The following FTO variants were observed in gnomAD, a reference collection of about 807,000 sequenced individuals.
FTO encodes alpha-ketoglutarate-dependent dioxygenase FTO.
Under a neutral mutation model 63.9 loss-of-function variants are expected in FTO, and 47 were observed. The observed-to-expected ratio is 0.74, with a 90% CI of 0.58 to 0.94. The LOEUF (loss-of-function observed/expected upper bound fraction) is 0.94. FTO is among the 40% of genes least tolerant of loss of function. The probability of loss-of-function intolerance (pLI) is 0.00; values close to 1 mark genes in which losing one functional copy is unlikely to be tolerated. For synonymous variants in FTO, 207 were observed against 224.4 expected (o/e 0.92, Z 0.69); for missense variants, 562 against 618.1 (o/e 0.91, Z 0.96).
At chr16:53,718,733 CTT>C (rs1449640990) in intron 1 of FTO, among the ~76,000 whole-genome samples, 2 of 152,030 alleles carry the variant, frequency 1.3e-5, no homozygotes, top group Non-Finnish European at 2.9e-5. Flanking sequence ...ATGGTAGTAT[CTT>C]TACTTCTACT....
chr16:53,822,781 C>T (rs529155449), intron 2 of FTO, among the ~76,000 whole-genome samples: 20 of 152,264 alleles, frequency 1.3e-4, no homozygotes, highest in African/African-American at 4.8e-4. Flanking sequence ...TTCTACCTCT[C>T]CCCTGTGCCC....
At chr16:53,808,889 CTGCTGTTTT>C (rs2078439853) in intron 1 of FTO, among the ~76,000 whole-genome samples, 1 of 152,160 alleles carries the variant, frequency 6.6e-6, no homozygotes, top group Non-Finnish European at 1.5e-5. Flanking sequence ...CCAGTTGTTT[CTGCTGTTTT>C]TGCTTTCTTT....
intron 7 of FTO, among the ~76,000 whole-genome samples, chr16:53,921,750 G>A (rs1235820174): frequency 1.3e-5 from 2 of 152,132 alleles, no homozygotes; most frequent in Non-Finnish European, 2.9e-5. Context: ...TGCCATGGCT[G>A]CAGTTTGAGC....
At chr16:53,799,691 C>G (rs1221698088) in intron 1 of FTO, among the ~76,000 whole-genome samples, 1 of 152,172 alleles carries the variant, frequency 6.6e-6, no homozygotes, top group Non-Finnish European at 1.5e-5. Flanking sequence ...TAGCCGAGGT[C>G]TTTTCACTCT....
chr16:53,840,970 C>T (rs1484257966), intron 3 of FTO, among the ~76,000 whole-genome samples: 4 of 151,220 alleles, frequency 2.6e-5, no homozygotes, highest in African/African-American at 9.8e-5. Flanking sequence ...GGTCAAGCTA[C>T]ACACCTTCGT....
chr16:53,930,698 C>T (rs2082261011), intron 7 of FTO, among the ~76,000 whole-genome samples: 1 of 151,970 alleles, frequency 6.6e-6, no homozygotes, highest in African/African-American at 2.4e-5. Flanking sequence ...AGTTCATATA[C>T]AAATGTGGCA....
At chr16:53,726,034 T>C (rs1472237450) in intron 1 of FTO, among the ~76,000 whole-genome samples, 1 of 152,210 alleles carries the variant, frequency 6.6e-6, no homozygotes, top group Non-Finnish European at 1.5e-5. Flanking sequence ...ACAGGTTATA[T>C]GTTAATGCAC....
intron 8 of FTO, among the ~76,000 whole-genome samples, chr16:53,988,307 A>G (rs1315288828): frequency 6.6e-6 from 1 of 152,172 alleles, no homozygotes; most frequent in East Asian, 1.9e-4. Flanking sequence ...AAATAACTTA[A>G]TGTACTTTGA....
intron 8 of FTO, among the ~76,000 whole-genome samples, chr16:54,015,167 A>T (rs1479530585): frequency 1.3e-5 from 2 of 152,132 alleles, no homozygotes; most frequent in Non-Finnish European, 2.9e-5. Flanking sequence ...GCCCAGTTGC[A>T]TGTTTTAATG....
At chr16:53,843,301 A>G (rs2079526166) in intron 3 of FTO, among the ~76,000 whole-genome samples, 1 of 152,198 alleles carries the variant, frequency 6.6e-6, no homozygotes, top group Non-Finnish European at 1.5e-5. Context: ...TTTTGATAGT[A>G]TTGCCAAATT....
chr16:53,804,403 G>C (rs2078301555), intron 1 of FTO, among the ~76,000 whole-genome samples: 1 of 152,172 alleles, frequency 6.6e-6, no homozygotes, highest in Admixed American at 6.5e-5. Flanking sequence ...TGCTTCCGAT[G>C]TGGTACCGCA....
chr16:54,086,382 C>T (rs1337780532), intron 8 of FTO, among the ~76,000 whole-genome samples: 1 of 152,168 alleles, frequency 6.6e-6, no homozygotes, highest in East Asian at 1.9e-4. Context: ...ATCCTGCCCA[C>T]AGCAACCACA....
intron 2 of FTO, among the ~76,000 whole-genome samples, chr16:53,824,030 T>G (rs1450135628): frequency 6.6e-6 from 1 of 152,238 alleles, no homozygotes; most frequent in Non-Finnish European, 1.5e-5. Flanking sequence ...AGACCATCAC[T>G]TTTCTTCCAG....
chr16:53,988,599 A>T (rs559077904), intron 8 of FTO, among the ~76,000 whole-genome samples: 1 of 152,334 alleles, frequency 6.6e-6, no homozygotes, highest in Non-Finnish European at 1.5e-5. Context: ...GCCAAGTTGT[A>T]TTCTAAATGC....
At chr16:53,958,043 A>G (rs1258284716) in intron 8 of FTO, among the ~76,000 whole-genome samples, 1 of 152,186 alleles carries the variant, frequency 6.6e-6, no homozygotes, top group Admixed American at 6.6e-5. Context: ...GTGTGGTTTC[A>G]TCTAATAAAA....
At chr16:54,073,399 A>G (rs1225461441) in intron 8 of FTO, among the ~76,000 whole-genome samples, 2 of 152,150 alleles carry the variant, frequency 1.3e-5, no homozygotes, top group African/African-American at 4.8e-5. Context: ...ACTTTGAAAC[A>G]TCTCTCCTCA....
intron 8 of FTO, among the ~76,000 whole-genome samples, chr16:53,975,161 T>A (rs1343762386): frequency 6.6e-6 from 1 of 152,038 alleles, no homozygotes; most frequent in Non-Finnish European, 1.5e-5. Flanking sequence ...CACGCTAACA[T>A]TTTGTAAATA....
At chr16:53,713,085 A>G (rs750292063) in intron 1 of FTO, among the ~76,000 whole-genome samples, 2 of 152,102 alleles carry the variant, frequency 1.3e-5, no homozygotes, top group Non-Finnish European at 2.9e-5. Flanking sequence ...ATTGGTCAGT[A>G]GACTTTCTAA....
chr16:53,744,993 C>T (rs542327299), intron 1 of FTO, among the ~76,000 whole-genome samples: 5 of 152,230 alleles, frequency 3.3e-5, no homozygotes, highest in African/African-American at 9.6e-5. Flanking sequence ...TCTTATTTGG[C>T]TTTCTACTCT....
Sources: gnomAD v4.1 joint callset for allele counts (sites outside exome capture counted in the v4.1 genomes callset) on GRCh38, gnomAD v4.1.1 for gene constraint, MANE v1.5 for transcripts, NCBI Gene and HGNC (gene_info 2026-07-23, HGNC 2026-07-21) for gene names.